Variants in GALNT13 observed in about 807,000 individuals in gnomAD.
GALNT13 encodes the protein UDP-GalNAc:polypeptide N-acetylgalactosaminyltransferase 13.
A neutral mutation model predicts 64.2 loss-of-function variants in GALNT13; 28 were observed. That is an observed-to-expected ratio of 0.44 (90% CI 0.32 to 0.60). The LOEUF is 0.60. Among genes scored for constraint, GALNT13 ranks in the 20% least tolerant of loss-of-function variants. The pLI, the probability that GALNT13 is intolerant of heterozygous loss-of-function variation, is 0.05. For missense variants in GALNT13, 577 were observed against 669.8 expected, an observed-to-expected ratio of 0.86 and a Z score of 1.53; for synonymous variants, 214 against 224.6, an observed-to-expected ratio of 0.95 and a Z score of 0.42.
chr2:154,086,770 GCA>G (rs111864421), intron 3 of GALNT13, among the ~76,000 whole-genome samples: 35,888 of 151,266 alleles, frequency 0.24, 4,576 homozygotes, highest in Non-Finnish European at 0.28. Flanking sequence ...TAGCATACGC[GCA>G]CACACACACA....
chr2:153,110,176 A>G, the GALNT13 span, among the ~76,000 whole-genome samples: 13 of 152,152 alleles, frequency 8.5e-5, no homozygotes, highest in Non-Finnish European at 1.8e-4. Context: ...CAAATCTGGA[A>G]TTTCTTTAAA....
At chr2:153,463,700 A>C in the GALNT13 span, among the ~76,000 whole-genome samples, 1 of 152,118 alleles carries the variant, frequency 6.6e-6, no homozygotes, top group Non-Finnish European at 1.5e-5. Flanking sequence ...AACTGTAATC[A>C]TGGCTACAGA....
intron 3 of GALNT13, among the ~76,000 whole-genome samples, chr2:153,953,674 A>T (rs1405059954): frequency 1.3e-5 from 2 of 152,194 alleles, no homozygotes; most frequent in African/African-American, 4.8e-5. Flanking sequence ...TCTCAGAGAC[A>T]TTCTACACCC....
chr2:153,817,891 A>G, the GALNT13 span, among the ~76,000 whole-genome samples: 34 of 152,342 alleles, frequency 2.2e-4, no homozygotes, highest in Non-Finnish European at 4.0e-4. Flanking sequence ...ATGAAAATAA[A>G]TTAAGGAGGG....
intron 8 of GALNT13, among the ~76,000 whole-genome samples, chr2:154,297,252 A>G (rs1208722309): frequency 6.6e-6 from 1 of 152,226 alleles, no homozygotes; most frequent in African/African-American, 2.4e-5. Flanking sequence ...AGAAAGCAAC[A>G]CTGAAAGCAG....
At chr2:153,091,848 G>A in the GALNT13 span, among the ~76,000 whole-genome samples, 1 of 152,136 alleles carries the variant, frequency 6.6e-6, no homozygotes, top group African/African-American at 2.4e-5. Flanking sequence ...TTTACTTGAT[G>A]TGATCCCGTT....
chr2:153,971,177 A>G (rs1344152837), intron 3 of GALNT13, among the ~76,000 whole-genome samples: 1 of 151,920 alleles, frequency 6.6e-6, no homozygotes, highest in African/African-American at 2.4e-5. Flanking sequence ...TTAATTTTCT[A>G]CCTCACCTTA....
chr2:153,947,627 A>G (rs538259319), intron 3 of GALNT13, among the ~76,000 whole-genome samples: 18 of 151,704 alleles, frequency 1.2e-4, no homozygotes, highest in African/African-American at 3.6e-4. Flanking sequence ...CCCATTCTGT[A>G]GGTTGTCTGT....
the GALNT13 span, among the ~76,000 whole-genome samples, chr2:153,331,628 GT>G: frequency 2.0e-5 from 3 of 149,912 alleles, no homozygotes; most frequent in East Asian, 3.9e-4. Context: ...TCCTTTTCAC[GT>G]TTTTTTTTGC....
the GALNT13 span, among the ~76,000 whole-genome samples, chr2:153,814,667 C>A: frequency 1.1e-4 from 16 of 152,188 alleles, no homozygotes; most frequent in African/African-American, 3.6e-4. Flanking sequence ...GAAAGTAATG[C>A]ATCACACAGA....
chr2:154,374,721 C>T (rs890486266), intron 9 of GALNT13, among the ~76,000 whole-genome samples: 1 of 152,140 alleles, frequency 6.6e-6, no homozygotes, highest in Non-Finnish European at 1.5e-5. Context: ...TGTGGCTTCC[C>T]TGATGAAGTG....
chr2:153,676,583 G>A, the GALNT13 span, among the ~76,000 whole-genome samples: 1 of 152,014 alleles, frequency 6.6e-6, no homozygotes, highest in African/African-American at 2.4e-5. Flanking sequence ...GGCCAATATT[G>A]CTGATAAACA....
chr2:153,197,898 T>C, the GALNT13 span, among the ~76,000 whole-genome samples: 1 of 152,010 alleles, frequency 6.6e-6, no homozygotes, highest in African/African-American at 2.4e-5. Context: ...CTGTCAGGGA[T>C]AGCAGCCCCA....
the GALNT13 span, among the ~76,000 whole-genome samples, chr2:153,251,717 G>A: frequency 5.4e-5 from 8 of 148,992 alleles, no homozygotes; most frequent in South Asian, 2.1e-4. Context: ...GAGAATATGC[G>A]GTGTTTGGTT....
At chr2:154,377,997 G>A (rs550703321) in intron 9 of GALNT13, among the ~76,000 whole-genome samples, 1 of 152,166 alleles carries the variant, frequency 6.6e-6, no homozygotes, top group African/African-American at 2.4e-5. Flanking sequence ...CTTTTTGGCT[G>A]GATTATCTTG....
intron 3 of GALNT13, among the ~76,000 whole-genome samples, chr2:153,980,493 G>T (rs1302558881): frequency 6.6e-6 from 1 of 152,058 alleles, no homozygotes; most frequent in East Asian, 1.9e-4. Context: ...TTTAGGAGGA[G>T]TAATAGGCAT....
At chr2:153,562,058 CTCTGTGTGTGTGTGTG>C in the GALNT13 span, among the ~76,000 whole-genome samples, 5 of 87,110 alleles carry the variant, frequency 5.7e-5, no homozygotes, top group African/African-American at 4.3e-5. Flanking sequence ...CTCTCTCTCT[CTCTGTGTGTGTGTGTG>C]TGTGTGTGTG....
At chr2:153,985,784 C>T (rs1471573596) in intron 3 of GALNT13, among the ~76,000 whole-genome samples, 5 of 151,892 alleles carry the variant, frequency 3.3e-5, no homozygotes, top group Non-Finnish European at 5.9e-5. Context: ...GAGTTCCAGG[C>T]CTATTTGCCT....
intron 2 of GALNT13, among the ~76,000 whole-genome samples, chr2:153,912,098 T>C (rs1048921597): frequency 6.6e-6 from 1 of 152,214 alleles, no homozygotes; most frequent in East Asian, 1.9e-4. Context: ...TTTGGTTTGT[T>C]CCTTTTTATT....
Sources: allele counts gnomAD v4.1 joint callset (sites outside exome capture counted in the v4.1 genomes callset), GRCh38; gene constraint gnomAD v4.1.1; transcripts MANE v1.5; gene names NCBI Gene and HGNC (gene_info 2026-07-23, HGNC 2026-07-21).